Variants in PHF12 observed in about 807,000 individuals in gnomAD.
PHF12 encodes PHD finger protein 12, also known as PHD factor 1.
Under a neutral mutation model 99.8 loss-of-function variants are expected in PHF12, and 6 were observed. The ratio of observed to expected loss-of-function variants is 0.06; its 90% CI spans 0.03 to 0.12. The LOEUF (loss-of-function observed/expected upper bound fraction) is 0.12. Among genes scored for constraint, PHF12 ranks in the 10% least tolerant of loss-of-function variants. The pLI, the probability that PHF12 is intolerant of heterozygous loss-of-function variation, is 1.00. For missense variants in PHF12, 954 were observed against 1,300.1 expected (o/e 0.73, Z 4.09); for synonymous variants, 480 against 514.9 (o/e 0.93, Z 0.92).
At chr17:28,913,775 G>A in intron 8 of PHF12, 104 bp downstream of exon 8, 15 of 1,452,956 alleles carry the variant, frequency 1.0e-5, no homozygotes, top group Non-Finnish European at 1.4e-5. Flanking sequence ...GGATGAGGGT[G>A]GGTGGGGACT....
intron 2 of PHF12, among the ~76,000 whole-genome samples, chr17:28,928,957 G>A (rs1462135548): frequency 6.6e-6 from 1 of 151,708 alleles, no homozygotes; most frequent in Non-Finnish European, 1.5e-5. Context: ...TTAGCCGGGT[G>A]TAGTGGCACG....
intron 4 of PHF12, 89 bp from the exon 5 acceptor site, chr17:28,921,897 A>G: frequency 6.4e-7 from 1 of 1,556,358 alleles, no homozygotes; most frequent in Non-Finnish European, 8.7e-7. Context: ...ACAAAAACAG[A>G]TCTTAAGCAT....
intron 2 of PHF12, among the ~76,000 whole-genome samples, chr17:28,944,262 T>C (rs2040680284): frequency 1.3e-5 from 2 of 152,244 alleles, no homozygotes; most frequent in East Asian, 3.8e-4. Flanking sequence ...AGATTACAAC[T>C]GCATCCTACC....
At chr17:28,920,649 G>A (rs1683982953) in intron 5 of PHF12, among the ~76,000 whole-genome samples, 4 of 151,994 alleles carry the variant, frequency 2.6e-5, no homozygotes, top group Admixed American at 2.0e-4. Context: ...TGCAACCTCC[G>A]CCTCCTGGGT....
At chr17:28,932,639 C>T (rs1374323349) in intron 2 of PHF12, among the ~76,000 whole-genome samples, 1 of 152,190 alleles carries the variant, frequency 6.6e-6, no homozygotes, top group African/African-American at 2.4e-5. Flanking sequence ...CCCACCTCAG[C>T]TGCCCATCTC....
In PHF12 at chr17:28,951,487, C is replaced by T. The variant is rs2040814208; in HGVS notation, c.-527G>A. On this transcript the variant is annotated 5_prime_UTR_variant, in exon 1 of 15. In the 5' UTR this introduces an upstream ATG that the reference lacks. Coordinates refer to ENST00000332830, the MANE Select transcript of PHF12 (RefSeq NM_001033561.2). ...CTTACCGCGAGCGCCCGCAAAGCCA[C>T]CCGCGCAGGCGCCCCGGGATCGGCG... 1 of 985,430 alleles carries T rather than the reference C, an allele frequency of 1.0e-6. No homozygotes were observed. Among genetic ancestry groups the T allele is most frequent in the Non-Finnish European group, 1.2e-6 (1 of 829,920 alleles). The allele number at this position is 985,430 out of a possible 1,614,324, so 61.0% of individuals were successfully genotyped here.
At chr17:28,944,753 GGTTT>G (rs1313152794) in intron 2 of PHF12, 1 of 153,090 alleles carries the variant, frequency 6.5e-6, no homozygotes, top group African/African-American at 2.4e-5. Context: ...AACCAAATTA[GGTTT>G]GTTTACTGTA....
chr17:28,913,787 G>T (rs1598122880), intron 8 of PHF12, 92 bp downstream of exon 8: 1 of 1,506,038 alleles, frequency 6.6e-7, no homozygotes, highest in East Asian at 2.3e-5. Flanking sequence ...GTGGGGACTG[G>T]AATGAGAATG....
chr17:28,921,323 T>A (rs1401665674), intron 5 of PHF12, among the ~76,000 whole-genome samples: 1 of 152,124 alleles, frequency 6.6e-6, no homozygotes, highest in East Asian at 1.9e-4. Context: ...TCACCATACC[T>A]GGTTCATTAA....
rs1444355032 is a variant in PHF12 at position 28,949,971 on chromosome 17, G to A, written c.248+94C>T. ...GCAGAAAGTCAGCTAGCGGCTGCAAGCGCCCGTTATTTCGGCAGTCAGGGG... is the reference window on the plus strand; with the variant it reads ...GCAGAAAGTCAGCTAGCGGCTGCAAACGCCCGTTATTTCGGCAGTCAGGGG... On this transcript the variant is annotated intron_variant, in intron 2 of 14. Transcript: ENST00000332830. The surrounding 1 kb of genome is among the most constrained non-coding windows in gnomAD (Gnocchi z 4.6). 1 of 1,381,884 alleles carries A rather than the reference G, an allele frequency of 7.2e-7. No homozygotes were observed. The highest frequency in any genetic ancestry group is 2.4e-5 in the Admixed American group (1 of 40,942). The allele number at this position is 1,381,884 out of a possible 1,614,324, so 85.6% of individuals were successfully genotyped here.
intron 7 of PHF12, 98 bp from the exon 8 acceptor site, chr17:28,914,135 C>G (rs1483593157): frequency 3.8e-6 from 5 of 1,321,684 alleles, no homozygotes; most frequent in Non-Finnish European, 5.2e-6. Context: ...GGTGCTGGTG[C>G]TCAAGGGACC....
Position 28,951,198 on chromosome 17 carries a change from C to G in PHF12, c.-238G>C, listed in dbSNP as rs926714866. On this transcript the variant is annotated 5_prime_UTR_variant, in exon 1 of 15. Transcript: ENST00000332830. ...TCAGTCCCGGCCCGGCTGCTGGCTG[C>G]ACAGTGGGTCCCGGCTCCGGGGGTC... 4.3e-6 allele frequency: 6 copies of G among 1,386,332 alleles called. No individual in the cohort carries two copies. The African/African-American group carries it at 9.0e-5, about 21-fold the overall frequency. The allele number at this position is 1,386,332 out of a possible 1,614,324, so 85.9% of individuals were successfully genotyped here.
intron 5 of PHF12, among the ~76,000 whole-genome samples, chr17:28,919,542 T>C (rs2040123226): frequency 6.6e-6 from 1 of 152,008 alleles, no homozygotes; most frequent in Admixed American, 6.6e-5. Flanking sequence ...AGACTGAGAC[T>C]AGCCTGACCA....
chr17:28,935,067 C>T (rs1250499299), intron 2 of PHF12, among the ~76,000 whole-genome samples: 1 of 152,204 alleles, frequency 6.6e-6, no homozygotes, highest in Non-Finnish European at 1.5e-5. Context: ...AAGAGCATAG[C>T]CTGCATTGCT....
At chr17:28,933,210 T>C (rs1795392573) in intron 2 of PHF12, among the ~76,000 whole-genome samples, 1 of 152,238 alleles carries the variant, frequency 6.6e-6, no homozygotes, top group South Asian at 2.1e-4. Context: ...TGCTTAGCAG[T>C]GAAAACACTA....
chr17:28,911,672 TGGGACCA>T (rs1175060342), intron 9 of PHF12, among the ~76,000 whole-genome samples: 3 of 152,226 alleles, frequency 2.0e-5, no homozygotes, highest in Non-Finnish European at 4.4e-5. Context: ...GGGGCCATCC[TGGGACCA>T]GGGGCTCCCA....
intron 6 of PHF12, 148 bp from the exon 7 acceptor site, chr17:28,917,597 G>C (rs930468722): frequency 6.1e-6 from 5 of 821,034 alleles, no homozygotes; most frequent in Admixed American, 3.0e-5. Flanking sequence ...CTCTTTGTCA[G>C]AGAGCAAGGG....
Position 28,912,796 on chromosome 17 carries a change from C to G in PHF12, c.1775G>C (p.Gly592Ala). 6.2e-7 allele frequency: 1 copy of G among 1,609,538 alleles called. No homozygotes were observed. Among genetic ancestry groups the G allele is most frequent in the South Asian group, 1.1e-5 (1 of 90,798 alleles). Residue 592 changes from glycine to alanine, a missense_variant, in exon 9 of 15, where the codon GGC becomes GCC. Gly to Ala is a moderately conservative substitution (Grantham distance 60, BLOSUM62 0). Around this residue, in one of 8 missense-constraint regions of PHF12, gnomAD observed 392 missense variants for 423.1 expected, o/e 0.93. Transcript: ENST00000332830. ...GATGCCGACGGTGTGGTTCTGAAGG[C>G]CCCCAGCCGCTGGTGGCGTGAGGGG... Reference protein sequence around the residue: ...PRPLTPPAAGGLQNHTVGIIV... With the variant: ...PRPLTPPAAGALQNHTVGIIV...
chr17:28,917,337 T>C lies in PHF12; in HGVS notation c.1082A>G (p.Lys361Arg). 6.2e-7 allele frequency: 1 copy of C among 1,614,132 alleles called. No homozygotes were observed. The highest frequency in any genetic ancestry group is 1.3e-5 in the African/African-American group (1 of 75,012). The stretch of plus-strand genomic sequence containing the variant: ...GAGCACACGCCGGTTAGGGGGGTGC[T>C]TCTTGTGGATTCGGTTCAGGAAGTC... ...KVDFLNRIHK[K>R]HPPNRRVLQS... The change falls in exon 7 of 15, where the codon AAG becomes AGG. Residue 361 changes from lysine (K) to arginine (R), a missense_variant. Around this residue, in one of 8 missense-constraint regions of PHF12, gnomAD observed 392 missense variants for 423.1 expected, o/e 0.93. Coordinates refer to ENST00000332830, the MANE Select transcript of PHF12 (RefSeq NM_001033561.2).
Sources: gnomAD v4.1 joint callset for allele counts (sites outside exome capture counted in the v4.1 genomes callset) on GRCh38, gnomAD v4.1.1 for gene constraint, gnomAD v4.1.1 regional missense constraint, Gnocchi (gnomAD v3.1) non-coding constraint, MANE v1.5 for transcripts, NCBI Gene and HGNC (gene_info 2026-07-23, HGNC 2026-07-21) for gene names.